The following GPR153 variants were observed in gnomAD, a reference collection of about 807,000 sequenced individuals.
GPR153 encodes the protein probable G protein-coupled receptor 153.
GPR153 carries 27 observed loss-of-function variants against 34.1 expected under a neutral mutation model. That is an observed-to-expected ratio of 0.79 (90% CI 0.58 to 1.09). GPR153 has a LOEUF of 1.09. Ranked by LOEUF, GPR153 falls within the 50% of genes least tolerant of loss-of-function variation. The pLI is 0.00. For missense variants in GPR153, 848 were observed against 860.2 expected, an observed-to-expected ratio of 0.99 and a Z score of 0.18; for synonymous variants, 408 against 405.4, an observed-to-expected ratio of 1.01 and a Z score of -0.08.
chr1:6,256,800 G>T (rs1422303956), intron 1 of GPR153, among the ~76,000 whole-genome samples: 1 of 152,176 alleles, frequency 6.6e-6, no homozygotes, highest in Non-Finnish European at 1.5e-5. Context: ...CCCACACCCG[G>T]CGAGACATAA....
At chr1:6,250,933 G>A (rs997218103) in intron 4 of GPR153, among the ~76,000 whole-genome samples, 5 of 152,198 alleles carry the variant, frequency 3.3e-5, no homozygotes, top group African/African-American at 1.2e-4. Flanking sequence ...TGCCTGGACA[G>A]AGCACGGGCT....
intron 1 of GPR153, among the ~76,000 whole-genome samples, 169 bp from the exon 2 acceptor site, chr1:6,255,183 C>T (rs546990113): frequency 3.9e-4 from 57 of 146,652 alleles, no homozygotes; most frequent in Admixed American, 3.7e-3. Context: ...CATTCTAATA[C>T]TATTAAGAGG....
rs1274015389 is a variant in GPR153, at chr1:6,260,993, G to C, written c.-278C>G. On this transcript the variant is annotated 5_prime_UTR_variant, in exon 1 of 6. Transcript: ENST00000377893. ...GGCGGCGGCCACCGGCGGCCGGCGC[G>C]CTCCGCTAGGTGGGCTCGGCCCCGC... The C allele has an allele frequency of 6.8e-6, 1 of 146,146 alleles. No homozygotes were observed. Among genetic ancestry groups the C allele is most frequent in the Non-Finnish European group, 1.5e-5 (1 of 65,784 alleles). 9.1% of individuals were successfully genotyped at this position (146,146 alleles called of 1,614,324 possible).
chr1:6,252,362 C>T (rs1438725211), intron 3 of GPR153, among the ~76,000 whole-genome samples: 1 of 152,144 alleles, frequency 6.6e-6, no homozygotes, highest in Non-Finnish European at 1.5e-5. Flanking sequence ...CTTCCCCGTC[C>T]GTAAGAGACG....
chr1:6,250,422 C>T lies in GPR153; in HGVS notation c.1164+18G>A. ...CTGTCACCCGCAGGTGCGGCCTCTC[C>T]CCCAGCCCTGCGCTCACCTGCAGGT... On this transcript the variant is annotated intron_variant, in intron 5 of 5. Coordinates refer to ENST00000377893, the MANE Select transcript of GPR153 (RefSeq NM_207370.4). 1 of 1,558,682 alleles carries T rather than the reference C, an allele frequency of 6.4e-7. No individual in the cohort carries two copies. The highest frequency in any genetic ancestry group is 1.2e-5 in the South Asian group (1 of 84,074).
Position 6,253,920 on chromosome 1 carries a change from A to T in GPR153, c.584T>A (p.Leu195His). 1 of 1,610,766 alleles carries T rather than the reference A, an allele frequency of 6.2e-7. No homozygotes were observed. The highest frequency in any genetic ancestry group is 8.5e-7 in the Non-Finnish European group (1 of 1,178,960). Reference protein sequence around the residue: ...AMGVICTAIALFQTLAVQVGR... With the variant: ...AMGVICTAIAHFQTLAVQVGR... ...CACCTGCACGGCCAGCGTCTGGAAGAGGGCGATGGCTGTGCAGATCACGCC... is the reference window on the plus strand; with the variant it reads ...CACCTGCACGGCCAGCGTCTGGAAGTGGGCGATGGCTGTGCAGATCACGCC... Residue 195 changes from leucine (L) to histidine (H), a missense_variant, in exon 3 of 6, where the codon CTC becomes CAC. Transcript: ENST00000377893.
intron 1 of GPR153, among the ~76,000 whole-genome samples, chr1:6,260,344 GC>G (rs1638643816): frequency 3.1e-5 from 1 of 31,922 alleles, no homozygotes; most frequent in African/African-American, 1.8e-4. Context: ...CCCAGCCCCC[GC>G]CCCTACAGTC....
chr1:6,254,888 C>A lies in GPR153; in HGVS notation c.18G>T (p.Arg6=). 1 of 1,571,498 alleles carries A rather than the reference C, an allele frequency of 6.4e-7. No individual in the cohort carries two copies. The highest frequency in any genetic ancestry group is 1.2e-5 in the South Asian group (1 of 84,908). Residue 6 remains arginine, a synonymous_variant, in exon 2 of 6, where the codon CGG becomes CGT. Transcript: ENST00000377893. ...GCCAGCCCACTGCACTGCCAGGCAG[C>A]CGCCGCTCATCACTCATGGTGCAGA... MSDER[R]LPGSAVGWLV...
In GPR153 at chr1:6,249,255, G is replaced by C. The variant is rs1216669850; in HGVS notation, c.*83C>G. ...GGAGGGGTGGCGCATGTCTGCGCGC[G>C]GGGCGGAGGCGGGCGTCTTTGGTGC... On this transcript the variant is annotated 3_prime_UTR_variant, in exon 6 of 6. Transcript: ENST00000377893. The surrounding 1 kb of genome is among the most constrained non-coding windows in gnomAD (Gnocchi z 4.3). 24 of 1,034,208 alleles carry C rather than the reference G, an allele frequency of 2.3e-5. No individual in the cohort carries two copies. Among genetic ancestry groups the C allele is most frequent in the Non-Finnish European group, 2.7e-5 (22 of 806,952 alleles). The allele number at this position is 1,034,208 out of a possible 1,614,324, so 64.1% of individuals were successfully genotyped here.
chr1:6,249,223 A>G lies in GPR153; in HGVS notation c.*115T>C, dbSNP rs1638372958. 3 of 754,390 alleles carry G rather than the reference A, an allele frequency of 4.0e-6. No individual in the cohort carries two copies. The highest frequency in any genetic ancestry group is 1.3e-4 in the South Asian group (2 of 15,772). 46.7% of individuals were successfully genotyped at this position (754,390 alleles called of 1,614,324 possible). ...CAAACGCTGAGGCCAACGCCCCCTC[A>G]CCCCTGGGAGGGGTGGCGCATGTCT... On this transcript the variant is annotated 3_prime_UTR_variant, in exon 6 of 6. Coordinates refer to ENST00000377893, the MANE Select transcript of GPR153 (RefSeq NM_207370.4). This position sits in a 1 kb window ranked among gnomAD's most constrained non-coding sequence, Gnocchi z 4.3.
chr1:6,251,538 C>G lies in GPR153; in HGVS notation c.787-8G>C. 1.9e-6 allele frequency: 3 copies of G among 1,581,268 alleles called. No individual in the cohort carries two copies. Among genetic ancestry groups the G allele is most frequent in the Non-Finnish European group, 2.6e-6 (3 of 1,166,046 alleles). On this transcript the variant is annotated splice_region_variant and splice_polypyrimidine_tract_variant and intron_variant, in intron 3 of 5. Coordinates refer to ENST00000377893, the MANE Select transcript of GPR153 (RefSeq NM_207370.4). The surrounding 1 kb of genome is among the most constrained non-coding windows in gnomAD (Gnocchi z 4.9). ...GCTGCTGAAGCTCACCACCTGTGGG[C>G]ACAGGGCTCGGCCTGGCACCTGCAG...
chr1:6,250,768 G>C, intron 4 of GPR153, 144 bp from the exon 5 acceptor site: 1 of 592,410 alleles, frequency 1.7e-6, no homozygotes, highest in Non-Finnish European at 3.0e-6. Flanking sequence ...AAAGGGAATG[G>C]GAGGGGTTCT....
intron 1 of GPR153, among the ~76,000 whole-genome samples, chr1:6,258,044 G>C (rs1251720283): frequency 6.6e-6 from 1 of 152,230 alleles, no homozygotes; most frequent in African/African-American, 2.4e-5. Flanking sequence ...CAAGGTGGGG[G>C]GCCACTGCCG....
chr1:6,249,305 C>G lies in GPR153; in HGVS notation c.*33G>C, dbSNP rs939732814. ...CTGCGGCCCCGGAGAGCGGCCTGGC[C>G]TGCCTGGCGTCCGTGGGGAGGCGCC... On this transcript the variant is annotated 3_prime_UTR_variant, in exon 6 of 6. Transcript: ENST00000377893. The surrounding 1 kb of genome is among the most constrained non-coding windows in gnomAD (Gnocchi z 4.3). The G allele has an allele frequency of 8.0e-7, 1 of 1,248,202 alleles. No homozygotes were observed. The highest frequency in any genetic ancestry group is 1.6e-5 in the African/African-American group (1 of 64,176). The allele number at this position is 1,248,202 out of a possible 1,614,324, so 77.3% of individuals were successfully genotyped here.
rs1638382401 is a variant in GPR153, at chr1:6,249,451, C to CA, written c.1716_1717insT (p.Gly573TrpfsTer133). On this transcript the variant is annotated frameshift_variant, in exon 6 of 6. Coordinates refer to ENST00000377893, the MANE Select transcript of GPR153 (RefSeq NM_207370.4). LOFTEE classifies it high-confidence loss of function. The surrounding 1 kb of genome is among the most constrained non-coding windows in gnomAD (Gnocchi z 4.3). ...CCGCCGCCCGCCGCGCGCAGCCCCC[C>CA]GGGCTCGCCCCACGACGCGCTCAGG... 5.2e-6 allele frequency: 7 copies of CA among 1,349,978 alleles called. No individual in the cohort carries two copies. Among genetic ancestry groups the CA allele is most frequent in the South Asian group, 1.8e-5 (1 of 54,404 alleles). The allele number at this position is 1,349,978 out of a possible 1,614,324, so 83.6% of individuals were successfully genotyped here.
Position 6,250,604 on chromosome 1 carries a change from T to C in GPR153, c.1000A>G (p.Ile334Val), listed in dbSNP as rs144111251. ...SDDETSLEGGISPDLVLERSL... is the reference protein window; with the variant it reads ...SDDETSLEGGVSPDLVLERSL... ...CGCTCCAACACCAGGTCCGGGGAGA[T>C]GCCACCTTCCAGGCTGGTCTCTGTA... Residue 334 changes from isoleucine (I) to valine (V), a missense_variant, in exon 5 of 6, where the codon ATC becomes GTC. Transcript: ENST00000377893. 438 of 1,267,016 alleles carry C rather than the reference T, an allele frequency of 3.5e-4. 3 individuals carry two copies. In the African/African-American group the frequency reaches 7.3e-3, roughly 21 times the overall value. The allele number at this position is 1,267,016 out of a possible 1,614,324, so 78.5% of individuals were successfully genotyped here. A position where few individuals can be genotyped will look rare whatever the true frequency, so the allele number is the denominator to read the frequency against.
chr1:6,249,078 T>G lies in GPR153; in HGVS notation c.*260A>C. 1 of 341,310 alleles carries G rather than the reference T, an allele frequency of 2.9e-6. No individual in the cohort carries two copies. The highest frequency in any genetic ancestry group is 5.3e-6 in the Non-Finnish European group (1 of 189,564). The allele number at this position is 341,310 out of a possible 1,614,324, so 21.1% of individuals were successfully genotyped here. Reference sequence around the variant, plus strand: ...GTCACTCACTACCCAAGCCCAAGCTTGGGATGTCACTCAGCTCCCCAGGCC... The same window carrying G: ...GTCACTCACTACCCAAGCCCAAGCTGGGGATGTCACTCAGCTCCCCAGGCC... On this transcript the variant is annotated 3_prime_UTR_variant, in exon 6 of 6. Coordinates refer to ENST00000377893, the MANE Select transcript of GPR153 (RefSeq NM_207370.4). The surrounding 1 kb of genome is among the most constrained non-coding windows in gnomAD (Gnocchi z 4.3).
In GPR153 at chr1:6,248,477, G is replaced by A. The variant is rs1034310118; in HGVS notation, c.*861C>T. 2.6e-5 allele frequency: 4 copies of A among 152,368 alleles called. No individual in the cohort carries two copies. The highest frequency in any genetic ancestry group is 7.2e-5 in the African/African-American group (3 of 41,422). 9.4% of individuals were successfully genotyped at this position (152,368 alleles called of 1,614,324 possible). A position where few individuals can be genotyped will look rare whatever the true frequency, so the allele number is the denominator to read the frequency against. ...CAGGCAACGACGGCAGAGTAATGAG[G>A]GTGGGGACACTAATGGTGGTCAAGG... On this transcript the variant is annotated 3_prime_UTR_variant, in exon 6 of 6. Coordinates refer to ENST00000377893, the MANE Select transcript of GPR153 (RefSeq NM_207370.4).
rs759431353 is a variant in GPR153, at chr1:6,253,789, A to G, written c.715T>C (p.Ser239Pro). ...GTCACGAGGCCCGTGGTCTGCAGAG[A>G]GGTTTTGGCGGGCTCCGAGCCATCG... ...SIDGSEPAKTSLQTTGLVTTI... is the reference protein window; with the variant it reads ...SIDGSEPAKTPLQTTGLVTTI... The change falls in exon 3 of 6, where the codon TCT becomes CCT. Residue 239 changes from serine to proline, a missense_variant. Ser to Pro is a moderately conservative substitution (Grantham distance 74, BLOSUM62 -1). Coordinates refer to ENST00000377893, the MANE Select transcript of GPR153 (RefSeq NM_207370.4). 6.4e-7 allele frequency: 1 copy of G among 1,563,244 alleles called. No homozygotes were observed. The highest frequency in any genetic ancestry group is 8.7e-7 in the Non-Finnish European group (1 of 1,151,932).
Sources: allele counts gnomAD v4.1 joint callset (sites outside exome capture counted in the v4.1 genomes callset), GRCh38; gene constraint gnomAD v4.1.1; non-coding constraint Gnocchi (gnomAD v3.1); transcripts MANE v1.5; gene names NCBI Gene and HGNC (gene_info 2026-07-23, HGNC 2026-07-21).